The following CHN2 variants were observed in gnomAD, a reference collection of about 807,000 sequenced individuals.
CHN2 encodes the protein beta-chimaerin.
A neutral mutation model predicts 56.3 loss-of-function variants in CHN2; 35 were observed. That is an observed-to-expected ratio of 0.62 (90% CI 0.47 to 0.82). CHN2 has a LOEUF of 0.82. Ranked by LOEUF, CHN2 falls within the 40% of genes least tolerant of loss-of-function variation. CHN2 has a pLI of 0.00. For synonymous variants in CHN2, 210 were observed against 212.8 expected (o/e 0.99, Z 0.12); for missense variants, 491 against 580.5 (o/e 0.85, Z 1.58).
At chr7:29,204,965 T>C (rs2128772553) in intron 1 of CHN2, among the ~76,000 whole-genome samples, 1 of 152,368 alleles carries the variant, frequency 6.6e-6, no homozygotes, top group Middle Eastern at 3.4e-3. Flanking sequence ...AACGATGTCA[T>C]CTGGGTTAAG....
intron 1 of CHN2, among the ~76,000 whole-genome samples, chr7:29,350,965 G>T (rs962374787): frequency 6.6e-6 from 1 of 151,996 alleles, no homozygotes; most frequent in Non-Finnish European, 1.5e-5. Flanking sequence ...AAAGTTAGCC[G>T]GTTGCAGTGA....
At position 29,495,867 on chromosome 7, in the gene CHN2, T is replaced by C. The variant is rs1416495422; in HGVS notation, c.655-85T>C. 10 of 1,116,422 alleles carry C rather than the reference T, an allele frequency of 9.0e-6. No homozygotes were observed. The Admixed American group carries it at 1.9e-4, about 21-fold the overall frequency. 69.2% of individuals were successfully genotyped at this position (1,116,422 alleles called of 1,614,324 possible). On this transcript the variant is annotated intron_variant, in intron 7 of 12. Coordinates refer to ENST00000222792, the MANE Select transcript of CHN2 (RefSeq NM_004067.4). The stretch of plus-strand genomic sequence containing the variant: ...GAAAAGCCCAGTGGGGGATCGCTCC[T>C]GCTGATCTTCATTGACATGTCTGAG...
chr7:29,220,893 A>G lies in CHN2; in HGVS notation c.49+25903A>G, dbSNP rs146914487. 6.7e-3 allele frequency among the ~76,000 whole-genome samples: 1,017 copies of G among 152,306 alleles called. 14 individuals carry two copies. Among genetic ancestry groups the G allele is most frequent in the African/African-American group, 0.023 (960 of 41,570 alleles). On this transcript the variant is annotated intron_variant, in intron 1 of 12. Coordinates refer to ENST00000222792, the MANE Select transcript of CHN2 (RefSeq NM_004067.4). ...TGAATCTTAAAATATTTGATTAGCA[A>G]ATCAAGTTCAGGGATATGTAAAAGA...
chr7:29,298,600 C>T (rs904723727), intron 1 of CHN2, among the ~76,000 whole-genome samples: 8 of 152,140 alleles, frequency 5.3e-5, no homozygotes, highest in African/African-American at 1.7e-4. Context: ...AGGAAACCTC[C>T]GAGTAATGGG....
At chr7:29,421,791 G>A (rs1804371925) in intron 6 of CHN2, among the ~76,000 whole-genome samples, 1 of 152,188 alleles carries the variant, frequency 6.6e-6, no homozygotes, top group Non-Finnish European at 1.5e-5. Context: ...TGGTTTGTAT[G>A]AGAGCACCCC....
chr7:29,410,995 T>A (rs910309048), intron 6 of CHN2, among the ~76,000 whole-genome samples: 1 of 152,198 alleles, frequency 6.6e-6, no homozygotes, highest in Non-Finnish European at 1.5e-5. Flanking sequence ...TAAAACAAAT[T>A]TTTAAAATCT....
chr7:29,352,596 G>A (rs1443669485), intron 1 of CHN2, among the ~76,000 whole-genome samples: 5 of 152,082 alleles, frequency 3.3e-5, no homozygotes, highest in Middle Eastern at 3.4e-3. Flanking sequence ...GGTGGCACAC[G>A]CCTGTAATCC....
intron 7 of CHN2, among the ~76,000 whole-genome samples, chr7:29,490,111 CTTT>C (rs34148468): frequency 6.6e-5 from 9 of 136,434 alleles, no homozygotes; most frequent in Non-Finnish European, 8.0e-5. Flanking sequence ...GATGTCATTC[CTTT>C]TTTTTTTTTT....
intron 2 of CHN2, chr7:29,148,425 C>A (rs915273942): frequency 1.3e-5 from 2 of 152,168 alleles, no homozygotes; most frequent in Admixed American, 6.5e-5. Context: ...TATAAGAACA[C>A]CATTTGAAAG....
At chr7:29,308,180 A>G (rs1377895948) in intron 1 of CHN2, among the ~76,000 whole-genome samples, 1 of 152,068 alleles carries the variant, frequency 6.6e-6, no homozygotes, top group Non-Finnish European at 1.5e-5. Flanking sequence ...TTCCAGCCTT[A>G]CCTTATGTTA....
At chr7:29,503,110 A>G (rs556554928) in intron 9 of CHN2, among the ~76,000 whole-genome samples, 1 of 152,274 alleles carries the variant, frequency 6.6e-6, no homozygotes, top group African/African-American at 2.4e-5. Flanking sequence ...TTGAAGCCCT[A>G]ATCTCCAGTG....
intron 1 of CHN2, chr7:29,146,762 G>T: frequency 6.5e-7 from 1 of 1,549,278 alleles, no homozygotes; most frequent in Non-Finnish European, 8.7e-7. Context: ...TTGTCCCTTT[G>T]TTTTATTTTG....
At chr7:29,365,915 A>G (rs1424206985) in intron 2 of CHN2, among the ~76,000 whole-genome samples, 1 of 152,216 alleles carries the variant, frequency 6.6e-6, no homozygotes, top group African/African-American at 2.4e-5. Flanking sequence ...GGTGTTAATG[A>G]TAGTGATGAA....
Position 29,258,651 on chromosome 7 carries a change from G to GA in CHN2, c.49+63662dup, listed in dbSNP as rs145548039. On this transcript the variant is annotated intron_variant, in intron 1 of 12. Coordinates refer to ENST00000222792, the MANE Select transcript of CHN2 (RefSeq NM_004067.4). Reference sequence around the variant, plus strand: ...GTTTTTATTCTTTTGAAGTAGTGAGGACACAGCTTCTGATTATTCCTTCTA... The same window carrying GA: ...GTTTTTATTCTTTTGAAGTAGTGAGGAACACAGCTTCTGATTATTCCTTCTA... Among the ~76,000 whole-genome samples, 1,417 of 152,292 alleles carry GA rather than the reference G, an allele frequency of 9.3e-3. 32 individuals are homozygous for GA. Among genetic ancestry groups the GA allele is most frequent in the African/African-American group, 0.032 (1,346 of 41,544 alleles).
rs937553739 is a variant in CHN2, at chr7:29,513,972, A to T, written c.*1237A>T. ...GTAAATCTAGATTTTTAAAAAATCCAACTGCAATGTCTTTTCCTTTGATTG... is the reference window on the plus strand; with the variant it reads ...GTAAATCTAGATTTTTAAAAAATCCTACTGCAATGTCTTTTCCTTTGATTG... On this transcript the variant is annotated 3_prime_UTR_variant, in exon 13 of 13. Coordinates refer to ENST00000222792, the MANE Select transcript of CHN2 (RefSeq NM_004067.4). 3.9e-5 allele frequency: 6 copies of T among 152,662 alleles called. No individual in the cohort carries two copies. The highest frequency in any genetic ancestry group is 3.9e-4 in the Admixed American group (6 of 15,282). 9.5% of individuals were successfully genotyped at this position (152,662 alleles called of 1,614,324 possible). A position where few individuals can be genotyped will look rare whatever the true frequency, so the allele number is the denominator to read the frequency against.
intron 1 of CHN2, among the ~76,000 whole-genome samples, chr7:29,283,458 T>A (rs1791891794): frequency 6.6e-6 from 1 of 152,112 alleles, no homozygotes; most frequent in African/African-American, 2.4e-5. Context: ...AATGATGGGA[T>A]TTCACTCTCT....
At chr7:29,422,176 T>C (rs551200263) in intron 6 of CHN2, among the ~76,000 whole-genome samples, 2 of 152,294 alleles carry the variant, frequency 1.3e-5, no homozygotes, top group South Asian at 4.1e-4. Flanking sequence ...GGGTCAAGTG[T>C]GTTAATTTTA....
chr7:29,340,827 C>T (rs371093938), intron 1 of CHN2, among the ~76,000 whole-genome samples: 5 of 152,194 alleles, frequency 3.3e-5, no homozygotes, highest in Non-Finnish European at 5.9e-5. Context: ...ATAAAGGGTG[C>T]GCTTGTTTCC....
At chr7:29,336,210 A>G (rs1796605128) in intron 1 of CHN2, 1 of 152,194 alleles carries the variant, frequency 6.6e-6, no homozygotes, top group African/African-American at 2.4e-5. Context: ...CAGCTTTGAA[A>G]GATTGCCTGA....
Sources: allele counts gnomAD v4.1 joint callset (sites outside exome capture counted in the v4.1 genomes callset), GRCh38; gene constraint gnomAD v4.1.1; transcripts MANE v1.5; gene names NCBI Gene and HGNC (gene_info 2026-07-23, HGNC 2026-07-21).